Variants in SNAPC3 observed in about 807,000 individuals in gnomAD.
SNAPC3 encodes the protein snRNA-activating protein complex subunit 3.
SNAPC3 carries 56 observed loss-of-function variants against 47.7 expected under a neutral mutation model. The observed-to-expected ratio is 1.18, with a 90% CI of 0.95 to 1.47. The LOEUF is 1.47. Among genes scored for constraint, SNAPC3 ranks in the 40% most tolerant of loss-of-function variants. SNAPC3 has a pLI of 0.00. For missense variants in SNAPC3, 665 were observed against 511.3 expected (o/e 1.30, Z -2.90); for synonymous variants, 235 against 189.9 (o/e 1.24, Z -1.95).
chr9:15,441,161 C>T (rs2033314890), intron 3 of SNAPC3, among the ~76,000 whole-genome samples: 1 of 149,564 alleles, frequency 6.7e-6, no homozygotes, highest in Non-Finnish European at 1.5e-5. Flanking sequence ...ACTCATTGAG[C>T]ACATTTAAGT....
intron 3 of SNAPC3, among the ~76,000 whole-genome samples, chr9:15,437,404 T>C (rs1248477747): frequency 6.6e-6 from 1 of 152,092 alleles, no homozygotes; most frequent in Non-Finnish European, 1.5e-5. Context: ...GGCTACTTTT[T>C]GTATTTTTAG....
At chr9:15,463,654 A>G (rs1174118681), downstream of SNAPC3, 1 of 152,060 alleles carries the variant, frequency 6.6e-6, no homozygotes, top group East Asian at 1.9e-4. Flanking sequence ...ATAATTATCA[A>G]GAGTTCTGAG....
chr9:15,458,442 T>C (rs1431636900), intron 8 of SNAPC3, among the ~76,000 whole-genome samples: 1 of 152,114 alleles, frequency 6.6e-6, no homozygotes, highest in Non-Finnish European at 1.5e-5. Context: ...ATAAAGGGAT[T>C]TGGGAAGTCT....
intron 3 of SNAPC3, among the ~76,000 whole-genome samples, chr9:15,438,868 CGTT>C (rs2033065398): frequency 1.3e-5 from 2 of 151,962 alleles, no homozygotes; most frequent in South Asian, 4.2e-4. Context: ...TAATTGTTCT[CGTT>C]GTTCAAGTCT....
rs1274824402 is a variant in SNAPC3, at chr9:15,459,725, G to A, written c.1095G>A (p.Val365=). The A allele has an allele frequency of 1.9e-6, 3 of 1,612,446 alleles. No individual in the cohort carries two copies. The highest frequency in any genetic ancestry group is 2.5e-6 in the Non-Finnish European group (3 of 1,179,272). ...CTTTTTTTAAAAACTACAGATGGGT[G>A]ACGAACAATGACAGTTTTGCACCAG... The part of the protein sequence containing the change: ...FVCKMYTARW[V]TNNDSFAPED... Residue 365 remains valine, a synonymous_variant, in exon 9 of 9, where the codon GTG becomes GTA. Coordinates refer to ENST00000380821, the MANE Select transcript of SNAPC3 (RefSeq NM_001039697.2).
Position 15,442,067 on chromosome 9 carries a change from C to A in SNAPC3, c.478-2535C>A, listed in dbSNP as rs1031353392. On this transcript the variant is annotated intron_variant, in intron 3 of 8. Transcript: ENST00000380821. ...GGGCAGCTGGCCAGGCAGGGGCTGC[C>A]CCCCAACCTCCCTCCCGGACGGGGC... Among the ~76,000 whole-genome samples, 97 of 151,230 alleles carry A rather than the reference C, an allele frequency of 6.4e-4. 1 individual carries two copies. The highest frequency in any genetic ancestry group is 1.0e-3 in the Admixed American group (16 of 15,242).
At chr9:15,443,584 A>G (rs1207104092) in intron 3 of SNAPC3, among the ~76,000 whole-genome samples, 2 of 152,160 alleles carry the variant, frequency 1.3e-5, no homozygotes, top group Non-Finnish European at 2.9e-5. Flanking sequence ...CCTGGCTCCA[A>G]AAAGAAAAAA....
chr9:15,428,171 A>G (rs1250977106), intron 2 of SNAPC3, among the ~76,000 whole-genome samples: 1 of 151,684 alleles, frequency 6.6e-6, no homozygotes, highest in Non-Finnish European at 1.5e-5. Context: ...GTTGGCTAGA[A>G]TGACAGAAAA....
intron 3 of SNAPC3, among the ~76,000 whole-genome samples, chr9:15,439,454 C>T (rs1031176278): frequency 6.6e-6 from 1 of 152,110 alleles, no homozygotes; most frequent in Non-Finnish European, 1.5e-5. Flanking sequence ...CTCTTAGGCT[C>T]AAGTAATACT....
chr9:15,424,712 TA>T (rs2031112286), intron 2 of SNAPC3, among the ~76,000 whole-genome samples: 1 of 152,216 alleles, frequency 6.6e-6, no homozygotes, highest in Non-Finnish European at 1.5e-5. Flanking sequence ...TGTATGATAA[TA>T]TAGAGAAATT....
chr9:15,429,902 G>A (rs1472633831), intron 2 of SNAPC3, among the ~76,000 whole-genome samples: 1 of 152,070 alleles, frequency 6.6e-6, no homozygotes, highest in Non-Finnish European at 1.5e-5. Flanking sequence ...TTAGACCAAA[G>A]TATACCAAGT....
In SNAPC3 at chr9:15,422,883, G is replaced by A. The variant is rs901347101; in HGVS notation, c.4G>A (p.Ala2Thr). The change falls in exon 1 of 9, where the codon GCT (alanine) becomes ACT (threonine). Residue 2 changes from alanine to threonine, a missense_variant. By Grantham distance (58) the Ala-to-Thr change is moderately conservative. Coordinates refer to ENST00000380821, the MANE Select transcript of SNAPC3 (RefSeq NM_001039697.2). M[A>T]EGSRGGPTCS... is the part of the protein sequence containing the mutation. ...CAGGGGAAGGAGTGGGGCGAACATG[G>A]CTGAAGGAAGCCGAGGTGGCCCTAC... 24 of 1,535,974 alleles carry A rather than the reference G, an allele frequency of 1.6e-5. No homozygotes were observed. The Admixed American group carries it at 1.7e-4, about 11-fold the overall frequency.
At chr9:15,463,043 C>A (rs1287237629), downstream of SNAPC3, 6 of 151,954 alleles carry the variant, frequency 3.9e-5, no homozygotes, top group East Asian at 9.7e-4. Context: ...CAAAATCTAT[C>A]ATATTATTTG....
intron 7 of SNAPC3, 187 bp downstream of exon 7, chr9:15,453,392 C>G (rs532076310): frequency 2.0e-6 from 1 of 488,190 alleles, no homozygotes; most frequent in East Asian, 3.2e-5. Context: ...TTTGCATCCT[C>G]TATTGTTCAT....
chr9:15,441,920 G>A (rs2033425591), intron 3 of SNAPC3, among the ~76,000 whole-genome samples: 1 of 152,190 alleles, frequency 6.6e-6, no homozygotes. Context: ...ACACCTCCCA[G>A]ACGTGGTGGC....
chr9:15,423,719 G>A (rs981553565), intron 1 of SNAPC3, among the ~76,000 whole-genome samples, 190 bp from the exon 2 acceptor site: 11 of 152,328 alleles, frequency 7.2e-5, no homozygotes, highest in African/African-American at 2.6e-4. Flanking sequence ...AGTACTGGCT[G>A]CCTTCATCGG....
At position 15,449,553 on chromosome 9, in the gene SNAPC3, ATATATATATATTTTTTTTT is replaced by A. The variant is rs1337708264; in HGVS notation, c.733-1765_733-1747del. On this transcript the variant is annotated intron_variant, in intron 5 of 8. Coordinates refer to ENST00000380821, the MANE Select transcript of SNAPC3 (RefSeq NM_001039697.2). ...ATTATTATTATATATATATATATAT[ATATATATATATTTTTTTTT>A]TTTTTTTTTTTTTTTGAGACAGAAT... 4.3e-3 allele frequency among the ~76,000 whole-genome samples: 160 copies of A among 37,584 alleles called. 1 individual carries two copies. The highest frequency in any genetic ancestry group is 0.018 in the African/African-American group (157 of 8,618). The allele number at this position is 37,584 out of a possible 152,430, so 24.7% of individuals were successfully genotyped here.
intron 6 of SNAPC3, 73 bp from the exon 7 acceptor site, chr9:15,452,968 A>G (rs2034502730): frequency 7.9e-7 from 1 of 1,258,364 alleles, no homozygotes; most frequent in Admixed American, 2.2e-5. Context: ...GAATTACTGC[A>G]ATCACAAACT....
At chr9:15,451,447 T>C in intron 6 of SNAPC3, 45 bp downstream of exon 6, 1 of 908,822 alleles carries the variant, frequency 1.1e-6, no homozygotes, top group Non-Finnish European at 1.7e-6. Flanking sequence ...TATTTCTAGT[T>C]ATCAAAGTAG....
Sources: allele counts gnomAD v4.1 joint callset (sites outside exome capture counted in the v4.1 genomes callset), GRCh38; gene constraint gnomAD v4.1.1; transcripts MANE v1.5; gene names NCBI Gene and HGNC (gene_info 2026-07-23, HGNC 2026-07-21).